Variants in ABCG2 observed in about 807,000 individuals in gnomAD.
The protein encoded by ABCG2 is ATP binding cassette subfamily G member 2 (JR blood group), also known as broad substrate specificity ATP-binding cassette transporter ABCG2.
A neutral mutation model predicts 73.5 loss-of-function variants in ABCG2; 80 were observed. The observed-to-expected ratio is 1.09, with a 90% CI of 0.91 to 1.31. ABCG2 has a LOEUF of 1.31. ABCG2 is among the 50% of genes most tolerant of loss of function. The pLI is 0.00. For missense variants in ABCG2, 796 were observed against 786.2 expected (o/e 1.01, Z -0.15); for synonymous variants, 269 against 282.4 (o/e 0.95, Z 0.48).
At chr4:88,098,645 G>GAGCTAGAT (rs1553931029) in intron 12 of ABCG2, among the ~76,000 whole-genome samples, 1 of 143,814 alleles carries the variant, frequency 7.0e-6, no homozygotes, top group African/African-American at 2.6e-5. Flanking sequence ...GAGACAGGGA[G>GAGCTAGAT]AGATAGATAG....
chr4:88,202,688 G>T (rs1415393099), intron 1 of ABCG2, among the ~76,000 whole-genome samples: 9 of 151,596 alleles, frequency 5.9e-5, no homozygotes, highest in Non-Finnish European at 8.8e-5. Flanking sequence ...CTGGTCAGAG[G>T]TTCTCCGGGG....
At chr4:88,173,819 C>A (rs1264525370) in intron 1 of ABCG2, among the ~76,000 whole-genome samples, 1 of 152,042 alleles carries the variant, frequency 6.6e-6, no homozygotes, top group East Asian at 1.9e-4. Context: ...GGAAATGTAG[C>A]GAGACCCTGT....
chr4:88,220,440 G>A (rs375571736), intron 1 of ABCG2: 2 of 152,202 alleles, frequency 1.3e-5, no homozygotes, highest in Non-Finnish European at 2.9e-5. Context: ...GTGCACAAGA[G>A]TTCCAATCTC....
upstream of ABCG2, among the ~76,000 whole-genome samples, chr4:88,160,185 T>C (rs953925357): frequency 1.3e-4 from 19 of 150,802 alleles, no homozygotes; most frequent in Non-Finnish European, 2.4e-4. Context: ...AGGTTGCAAA[T>C]GACCCGAGAT....
chr4:88,231,252 A>C (rs1730454478), exon 1 of ABCG2: 1 of 152,232 alleles, frequency 6.6e-6, no homozygotes, highest in Non-Finnish European at 1.5e-5. Flanking sequence ...AGGCTTTCCG[A>C]GTAAACTAGC....
chr4:88,218,812 T>C (rs1444196486), intron 1 of ABCG2, among the ~76,000 whole-genome samples: 1 of 152,266 alleles, frequency 6.6e-6, no homozygotes, highest in African/African-American at 2.4e-5. Flanking sequence ...ACAATATCTC[T>C]AGTCTATTAT....
intron 1 of ABCG2, among the ~76,000 whole-genome samples, chr4:88,214,401 C>T (rs556551283): frequency 6.6e-6 from 1 of 152,276 alleles, no homozygotes; most frequent in African/African-American, 2.4e-5. Context: ...CCAATCCCTC[C>T]CCCATTCTCT....
chr4:88,128,109 A>C (rs933574442), intron 5 of ABCG2, among the ~76,000 whole-genome samples: 3 of 152,222 alleles, frequency 2.0e-5, no homozygotes, highest in African/African-American at 7.2e-5. Flanking sequence ...AAATTGGGCA[A>C]AGGATATGAA....
rs1000205232 is a variant in ABCG2 at position 88,126,323 on chromosome 4, T to A, written c.532-4531A>T. Among the ~76,000 whole-genome samples the A allele has an allele frequency of 2.0e-5, 3 of 152,138 alleles. No homozygotes were observed. The East Asian group carries it at 5.8e-4, about 29-fold the overall frequency. ...CAAAAAAGGTCCAGGACCAGACAGA[T>A]TCACAGCCGAATTCTACCAGAGGTA... On this transcript the variant is annotated intron_variant, in intron 5 of 15. Transcript: ENST00000237612.
At chr4:88,221,506 G>A (rs1350391834) in intron 1 of ABCG2, among the ~76,000 whole-genome samples, 1 of 152,144 alleles carries the variant, frequency 6.6e-6, no homozygotes, top group African/African-American at 2.4e-5. Flanking sequence ...TAGAGATTTG[G>A]ACGGCTTAGA....
chr4:88,203,240 A>T (rs1234454504), intron 1 of ABCG2, among the ~76,000 whole-genome samples: 1 of 152,126 alleles, frequency 6.6e-6, no homozygotes, highest in Non-Finnish European at 1.5e-5. Context: ...AGGCGAAAAG[A>T]TGAAAGAACT....
At chr4:88,226,982 C>T (rs937690620) in intron 1 of ABCG2, among the ~76,000 whole-genome samples, 5 of 151,998 alleles carry the variant, frequency 3.3e-5, no homozygotes, top group African/African-American at 7.2e-5. Context: ...TGTGGTGGTG[C>T]GTGCCTGTGG....
At chr4:88,181,284 T>C (rs560121711) in intron 1 of ABCG2, among the ~76,000 whole-genome samples, 48 of 150,818 alleles carry the variant, frequency 3.2e-4, no homozygotes, top group South Asian at 8.3e-4. Flanking sequence ...CCTGTAATCC[T>C]AGCTACTTGG....
At chr4:88,168,357 T>G (rs1392311946) in intron 1 of ABCG2, among the ~76,000 whole-genome samples, 6 of 152,028 alleles carry the variant, frequency 3.9e-5, no homozygotes, top group South Asian at 2.1e-4. Flanking sequence ...CATGGTGGCA[T>G]GCGCCTGTAG....
chr4:88,230,290 G>GT (rs1560470268), intron 1 of ABCG2, among the ~76,000 whole-genome samples: 3 of 16,170 alleles, frequency 1.9e-4, no homozygotes, highest in East Asian at 6.4e-3. Flanking sequence ...CACCGCACCT[G>GT]TTATATATAT....
chr4:88,165,280 C>T (rs1727472498), intron 1 of ABCG2, among the ~76,000 whole-genome samples: 1 of 152,168 alleles, frequency 6.6e-6, no homozygotes, highest in Non-Finnish European at 1.5e-5. Context: ...TGGTTTAAGA[C>T]AACACAAGTA....
intron 1 of ABCG2, among the ~76,000 whole-genome samples, chr4:88,213,219 A>G (rs1729670755): frequency 6.6e-6 from 1 of 152,186 alleles, no homozygotes; most frequent in Admixed American, 6.6e-5. Flanking sequence ...CTGATTTTAA[A>G]TTCTTGATCA....
intron 1 of ABCG2, among the ~76,000 whole-genome samples, chr4:88,197,399 T>C (rs1397102599): frequency 6.6e-6 from 1 of 151,978 alleles, no homozygotes; most frequent in African/African-American, 2.4e-5. Flanking sequence ...AAGGACTGCT[T>C]GAGTGCAGGA....
chr4:88,174,006 C>G (rs1213683262), intron 1 of ABCG2, among the ~76,000 whole-genome samples: 2 of 152,284 alleles, frequency 1.3e-5, no homozygotes, highest in Admixed American at 1.3e-4. Context: ...TTGTTATGGA[C>G]AGCAGTGTGT....
Sources: allele counts gnomAD v4.1 joint callset (sites outside exome capture counted in the v4.1 genomes callset), GRCh38; gene constraint gnomAD v4.1.1; transcripts MANE v1.5; gene names NCBI Gene and HGNC (gene_info 2026-07-23, HGNC 2026-07-21).